PTPRT: variants seen among roughly 807,000 people sequenced by gnomAD.
PTPRT encodes the protein receptor-type tyrosine-protein phosphatase T.
In PTPRT, 56 loss-of-function variants were observed where a neutral mutation model predicts 176.8. That is an observed-to-expected ratio of 0.32 (90% CI 0.26 to 0.40). PTPRT has a LOEUF of 0.40. Among genes scored for constraint, PTPRT ranks in the 10% least tolerant of loss-of-function variants. The pLI is 1.00. For synonymous variants in PTPRT, 783 were observed against 739.0 expected (o/e 1.06, Z -0.96); for missense variants, 1,540 against 1,908.2 (o/e 0.81, Z 3.60).
At chr20:42,997,932 G>T (rs1466104174) in intron 1 of PTPRT, among the ~76,000 whole-genome samples, 1 of 152,096 alleles carries the variant, frequency 6.6e-6, no homozygotes, top group African/African-American at 2.4e-5. Flanking sequence ...GAGCTGGAAG[G>T]CTGGAGTATC....
At chr20:42,423,883 A>G (rs1213664401) in intron 9 of PTPRT, among the ~76,000 whole-genome samples, 1 of 152,250 alleles carries the variant, frequency 6.6e-6, no homozygotes, top group Non-Finnish European at 1.5e-5. Flanking sequence ...ATAAAGATGC[A>G]ATAATTACAG....
chr20:42,987,898 A>G (rs1983691881), intron 1 of PTPRT, among the ~76,000 whole-genome samples: 1 of 152,216 alleles, frequency 6.6e-6, no homozygotes, highest in African/African-American at 2.4e-5. Flanking sequence ...ATGCTCACAC[A>G]TGTGGCTGCT....
the PTPRT span, among the ~76,000 whole-genome samples, chr20:42,057,482 TTTCC>T: frequency 1.1e-4 from 17 of 152,196 alleles, no homozygotes; most frequent in African/African-American, 4.1e-4. Context: ...CCCATCTTCT[TTTCC>T]TTCTGAGAGG....
At chr20:42,564,305 T>C (rs147378347) in intron 7 of PTPRT, among the ~76,000 whole-genome samples, 1 of 152,234 alleles carries the variant, frequency 6.6e-6, no homozygotes, top group East Asian at 1.9e-4. Context: ...TCCCAAAAGA[T>C]GTGGGCTACT....
At chr20:42,712,705 A>G (rs1294246202) in intron 6 of PTPRT, among the ~76,000 whole-genome samples, 1 of 152,230 alleles carries the variant, frequency 6.6e-6, no homozygotes, top group Non-Finnish European at 1.5e-5. Flanking sequence ...TAGGCCTATA[A>G]ATTGGTACAT....
chr20:42,543,435 A>G (rs2072618857), intron 7 of PTPRT, among the ~76,000 whole-genome samples: 3 of 152,204 alleles, frequency 2.0e-5, no homozygotes, highest in Non-Finnish European at 4.4e-5. Context: ...GATTGCATCA[A>G]TTCAGCTATA....
At chr20:42,637,550 A>C (rs1176205744) in intron 7 of PTPRT, among the ~76,000 whole-genome samples, 2 of 152,150 alleles carry the variant, frequency 1.3e-5, no homozygotes, top group African/African-American at 4.8e-5. Context: ...TTGTGCAGAG[A>C]AGCTTTCCAT....
intron 13 of PTPRT, among the ~76,000 whole-genome samples, chr20:42,275,422 A>G (rs1289826186): frequency 6.6e-6 from 1 of 152,210 alleles, no homozygotes; most frequent in Non-Finnish European, 1.5e-5. Context: ...TGTCTCTCAG[A>G]TCTTGAGTAG....
At chr20:42,963,300 C>T (rs757908886) in intron 1 of PTPRT, among the ~76,000 whole-genome samples, 50 of 151,922 alleles carry the variant, frequency 3.3e-4, no homozygotes, top group Non-Finnish European at 2.2e-4. Context: ...GCAGGATAAT[C>T]GCTTGAACCC....
At chr20:42,851,139 G>C (rs1343138836) in intron 2 of PTPRT, among the ~76,000 whole-genome samples, 1 of 152,128 alleles carries the variant, frequency 6.6e-6, no homozygotes, top group African/African-American at 2.4e-5. Context: ...TCTCATTAGA[G>C]TTGAACATTT....
chr20:42,705,197 T>C (rs1176373247), intron 6 of PTPRT, among the ~76,000 whole-genome samples: 1 of 151,892 alleles, frequency 6.6e-6, no homozygotes, highest in African/African-American at 2.4e-5. Flanking sequence ...AAGAGTGAAA[T>C]TGTATCTCGA....
At chr20:42,513,363 C>T (rs931695886) in intron 7 of PTPRT, among the ~76,000 whole-genome samples, 1 of 151,854 alleles carries the variant, frequency 6.6e-6, no homozygotes, top group African/African-American at 2.4e-5. Context: ...TCAGTTTATT[C>T]TGTTGAAAAA....
At chr20:42,088,978 T>A (rs1256322525) in intron 27 of PTPRT, among the ~76,000 whole-genome samples, 1 of 152,182 alleles carries the variant, frequency 6.6e-6, no homozygotes, top group Non-Finnish European at 1.5e-5. Context: ...ATTTGAAGGA[T>A]TCTTCTTATC....
chr20:43,156,897 C>T (rs1539037), intron 1 of PTPRT, among the ~76,000 whole-genome samples: 7,851 of 152,270 alleles, frequency 0.052, 261 homozygotes, highest in South Asian at 0.081. Context: ...GGTACACCCA[C>T]ATTAATCAGC....
chr20:43,125,652 A>G (rs2013410911), intron 1 of PTPRT, among the ~76,000 whole-genome samples: 1 of 152,210 alleles, frequency 6.6e-6, no homozygotes, highest in Non-Finnish European at 1.5e-5. Context: ...TGTGTGTATT[A>G]CTGTTCATTT....
At chr20:42,935,361 A>G (rs564055241) in intron 1 of PTPRT, among the ~76,000 whole-genome samples, 14 of 151,990 alleles carry the variant, frequency 9.2e-5, no homozygotes, top group African/African-American at 3.4e-4. Flanking sequence ...GCTGTTCTCA[A>G]ACTCCTGGCC....
intron 9 of PTPRT, among the ~76,000 whole-genome samples, chr20:42,411,517 C>CAAAAAAAAAAAAA (rs10591184): frequency 1.1e-4 from 10 of 88,332 alleles, no homozygotes; most frequent in East Asian, 3.6e-4. Context: ...AACCCTGTCT[C>CAAAAAAAAAAAAA]AAAAAAAAAA....
chr20:42,682,548 C>T (rs1453813285), intron 6 of PTPRT, among the ~76,000 whole-genome samples: 1 of 152,190 alleles, frequency 6.6e-6, no homozygotes, highest in Non-Finnish European at 1.5e-5. Context: ...CTGTGCAAAG[C>T]CAGGAGTAAG....
intron 19 of PTPRT, among the ~76,000 whole-genome samples, chr20:42,121,556 G>A (rs1387042702): frequency 1.3e-5 from 2 of 152,070 alleles, no homozygotes; most frequent in Admixed American, 1.3e-4. Context: ...GGGTTTGAAC[G>A]CTGGCTCTGT....
Sources: gnomAD v4.1 joint callset for allele counts (sites outside exome capture counted in the v4.1 genomes callset) on GRCh38, gnomAD v4.1.1 for gene constraint, MANE v1.5 for transcripts, NCBI Gene and HGNC (gene_info 2026-07-23, HGNC 2026-07-21) for gene names.